Variants in SORBS2 observed in about 807,000 individuals in gnomAD.
SORBS2 encodes the protein sorbin and SH3 domain containing 2, also known as sorbin and SH3 domain-containing protein 2.
Under a neutral mutation model 97.7 loss-of-function variants are expected in SORBS2, and 46 were observed. The ratio of observed to expected loss-of-function variants is 0.47; its 90% confidence interval spans 0.37 to 0.60. SORBS2 has a LOEUF of 0.60. SORBS2 is among the 20% of genes least tolerant of loss of function. The pLI is 0.00. For missense variants in SORBS2, 1,316 were observed against 1,282.3 expected (o/e 1.03, Z -0.40); for synonymous variants, 476 against 473.4 (o/e 1.01, Z -0.07).
rs2097270293 is a variant in SORBS2 at position 185,649,345 on chromosome 4, G to A, written c.281+122C>T. The A allele has an allele frequency of 3.0e-5, 24 of 790,512 alleles. No homozygotes were observed. In the South Asian group the frequency reaches 5.2e-4, roughly 17 times the overall value. The allele number at this position is 790,512 out of a possible 1,614,324, so 49.0% of individuals were successfully genotyped here. ...AGGAGGTCAATATGGTATATGTATA[G>A]ACTAGCAAGATTACACATCCGCTCT... On this transcript the variant is annotated intron_variant, in intron 3 of 14. Transcript: ENST00000418609.
chr4:185,769,508 T>C (rs2098956870), intron 2 of SORBS2, among the ~76,000 whole-genome samples: 1 of 152,174 alleles, frequency 6.6e-6, no homozygotes, highest in South Asian at 2.1e-4. Context: ...ATTTTTGTTT[T>C]TGAAAGAGTC....
chr4:185,710,579 A>G (rs976556629), intron 2 of SORBS2, among the ~76,000 whole-genome samples: 1 of 152,156 alleles, frequency 6.6e-6, no homozygotes, highest in African/African-American at 2.4e-5. Context: ...TTTCTTTCCT[A>G]CATGCTGACT....
chr4:185,928,536 G>A (rs1055407059), intron 1 of SORBS2, among the ~76,000 whole-genome samples: 1 of 152,148 alleles, frequency 6.6e-6, no homozygotes, highest in Non-Finnish European at 1.5e-5. Flanking sequence ...TGGATTTCAT[G>A]TATAAGAAGC....
rs750748326 is a variant in SORBS2 at position 185,618,683 on chromosome 4, A to G, written c.2305-52T>C. On this transcript the variant is annotated intron_variant, in intron 8 of 14. Coordinates refer to ENST00000418609, the Ensembl canonical transcript of SORBS2. ...CTAATTTAAAATTTGAATTTTCTAC[A>G]AGAAAGTAGTTTAATGTGCCTTAAA... 13 of 1,272,416 alleles carry G rather than the reference A, an allele frequency of 1.0e-5. 1 individual carries two copies. Among genetic ancestry groups the G allele is most frequent in the South Asian group, 3.2e-5 (2 of 62,138 alleles). 78.8% of individuals were successfully genotyped at this position (1,272,416 alleles called of 1,614,324 possible).
At chr4:185,666,478 A>C (rs1582230953) in intron 4 of SORBS2, among the ~76,000 whole-genome samples, 1 of 152,196 alleles carries the variant, frequency 6.6e-6, no homozygotes, top group African/African-American at 2.4e-5. Flanking sequence ...TGGCATAACG[A>C]AACTGTTTCC....
chr4:185,651,180 C>T (rs1171390470), intron 2 of SORBS2, among the ~76,000 whole-genome samples: 1 of 152,224 alleles, frequency 6.6e-6, no homozygotes, highest in African/African-American at 2.4e-5. Context: ...AAGGGAAAAA[C>T]ATTTGTCAGG....
chr4:185,643,557 T>C (rs9991651), intron 4 of SORBS2, among the ~76,000 whole-genome samples: 3,419 of 152,094 alleles, frequency 0.022, 132 homozygotes, highest in African/African-American at 0.077. Context: ...GGTAGGGAAA[T>C]GAATCAGGTG....
rs577943565 is a variant in SORBS2 at position 185,767,228 on chromosome 4, G to T, written c.-198+7999C>A. Among the ~76,000 whole-genome samples, 3 of 152,184 alleles carry T rather than the reference G, an allele frequency of 2.0e-5. No individual in the cohort carries two copies. The South Asian group carries it at 6.2e-4, about 32-fold the overall frequency. ...AAAATGAAAGAGCTGGCCGGGCGCG[G>T]TGGCTCAGGCCTGTAATCCCAGCAC... On this transcript the variant is annotated intron_variant, in intron 2 of 20. Coordinates refer to the SORBS2 transcript ENST00000284776.
intron 1 of SORBS2, among the ~76,000 whole-genome samples, chr4:185,864,917 A>AAAAAG (rs1235689615): frequency 2.0e-5 from 3 of 151,772 alleles, no homozygotes; most frequent in Non-Finnish European, 4.4e-5. Context: ...GTCTCAAAAA[A>AAAAAG]AAAAGAAAAA....
intron 12 of SORBS2, among the ~76,000 whole-genome samples, chr4:185,608,195 T>G (rs1045784577): frequency 2.6e-5 from 4 of 152,218 alleles, no homozygotes; most frequent in South Asian, 2.1e-4. Flanking sequence ...CTGACAATTT[T>G]CTCACTTATG....
intron 1 of SORBS2, among the ~76,000 whole-genome samples, chr4:185,897,952 A>G (rs1218799799): frequency 1.3e-5 from 2 of 152,142 alleles, no homozygotes; most frequent in East Asian, 3.9e-4. Flanking sequence ...CACAAGAATC[A>G]TTTGAACCCA....
intron 1 of SORBS2, among the ~76,000 whole-genome samples, chr4:185,895,529 A>T (rs1332806034): frequency 3.3e-5 from 5 of 152,170 alleles, no homozygotes; most frequent in Admixed American, 3.3e-4. Flanking sequence ...CCCGGGCGAC[A>T]CCTGGTGCTG....
At chr4:185,814,686 G>A (rs1404807848) in intron 1 of SORBS2, among the ~76,000 whole-genome samples, 3 of 152,156 alleles carry the variant, frequency 2.0e-5, no homozygotes, top group East Asian at 3.9e-4. Context: ...AGAACTGGAA[G>A]TCCCCCAGTT....
chr4:185,826,939 T>C (rs1454130511), intron 1 of SORBS2, among the ~76,000 whole-genome samples: 1 of 152,152 alleles, frequency 6.6e-6, no homozygotes, highest in Non-Finnish European at 1.5e-5. Flanking sequence ...ACTTGTGAGA[T>C]AAAGGACAAT....
chr4:185,791,689 CTAGA>C (rs1291421724), intron 1 of SORBS2, among the ~76,000 whole-genome samples: 1 of 151,720 alleles, frequency 6.6e-6, no homozygotes, highest in African/African-American at 2.4e-5. Context: ...ATTTGTCACA[CTAGA>C]TACTCTTAAA....
rs2097054184 is a variant in SORBS2, at chr4:185,638,074, C to T, written c.397-7476G>A. On this transcript the variant is annotated intron_variant, in intron 4 of 14. Coordinates refer to ENST00000418609, the Ensembl canonical transcript of SORBS2. ...TTCTTATATTAATAGTCTAGCCTCA[C>T]TTACCGGGCGTCCAAACTCCAGTTC... The T allele has an allele frequency of 6.5e-7, 1 of 1,546,778 alleles. No homozygotes were observed. Among genetic ancestry groups the T allele is most frequent in the African/African-American group, 1.4e-5 (1 of 73,670 alleles).
rs2095799764 is a variant in SORBS2 at position 185,586,175 on chromosome 4, A to AAAG, written c.*1449_*1451dup. On this transcript the variant is annotated 3_prime_UTR_variant, in exon 15 of 15. Coordinates refer to ENST00000418609, the Ensembl canonical transcript of SORBS2. The stretch of plus-strand genomic sequence containing the variant: ...ACTGTCCATGAAAGAGATGCCATAA[A>AAAG]AAGTTTTATCTGTAAGGTGCTCAAG... 2.0e-5 allele frequency: 3 copies of AAAG among 152,672 alleles called. No homozygotes were observed. The South Asian group carries it at 6.2e-4, about 32-fold the overall frequency. 9.5% of individuals were successfully genotyped at this position (152,672 alleles called of 1,614,324 possible).
chr4:185,631,018 C>T (rs1259419003), intron 4 of SORBS2, among the ~76,000 whole-genome samples: 2 of 152,158 alleles, frequency 1.3e-5, no homozygotes, highest in Non-Finnish European at 2.9e-5. Flanking sequence ...TCATTCAATC[C>T]TTATAAAACA....
chr4:185,705,784 G>C (rs58207663), intron 2 of SORBS2, among the ~76,000 whole-genome samples: 3,438 of 152,218 alleles, frequency 0.023, 125 homozygotes, highest in African/African-American at 0.078. Context: ...GTTAGACAAA[G>C]GGGCTTGAGG....
Sources: allele counts gnomAD v4.1 joint callset (sites outside exome capture counted in the v4.1 genomes callset), GRCh38; gene constraint gnomAD v4.1.1; transcripts MANE v1.5; gene names NCBI Gene and HGNC (gene_info 2026-07-23, HGNC 2026-07-21).